Variants in NSMCE2 observed in about 807,000 individuals in gnomAD.
NSMCE2 encodes the protein NSE2 SUMO ligase component of SMC5/6 complex.
Under a neutral mutation model 23.8 loss-of-function variants are expected in NSMCE2, and 24 were observed. The ratio of observed to expected loss-of-function variants is 1.01; its 90% CI spans 0.73 to 1.42. The LOEUF (loss-of-function observed/expected upper bound fraction) is 1.42, where lower values mean the gene tolerates loss of function less well. Among genes scored for constraint, NSMCE2 ranks in the 40% most tolerant of loss-of-function variants. NSMCE2 has a pLI of 0.00. For synonymous variants in NSMCE2, 92 were observed against 94.1 expected (o/e 0.98, Z 0.13); for missense variants, 284 against 296.5 (o/e 0.96, Z 0.31).
chr8:125,126,925 A>G (rs994952546), intron 3 of NSMCE2: 2 of 152,158 alleles, frequency 1.3e-5, no homozygotes, highest in Non-Finnish European at 2.9e-5. Flanking sequence ...TTTATCTGTC[A>G]GTTATTTTGT....
At chr8:125,287,224 C>T (rs1827937838) in intron 5 of NSMCE2, among the ~76,000 whole-genome samples, 1 of 151,852 alleles carries the variant, frequency 6.6e-6, no homozygotes, top group Non-Finnish European at 1.5e-5. Flanking sequence ...CCCAGCTACT[C>T]GGGAGGCTGA....
At position 125,307,752 on chromosome 8, in the gene NSMCE2, G is replaced by A. The variant is rs192678388; in HGVS notation, c.419-49467G>A. Among the ~76,000 whole-genome samples, 10 of 152,246 alleles carry A rather than the reference G, an allele frequency of 6.6e-5. 1 individual carries two copies. The East Asian group carries it at 7.7e-4, about 12-fold the overall frequency. ...AAGGGGTTTTGACTAAGCAAGTGTCGTTTGCTCCCTGGAGGATGTGTCAGC... is the reference window on the plus strand; with the variant it reads ...AAGGGGTTTTGACTAAGCAAGTGTCATTTGCTCCCTGGAGGATGTGTCAGC... On this transcript the variant is annotated intron_variant, in intron 5 of 7. Transcript: ENST00000287437.
rs548997027 is a variant in NSMCE2, at chr8:125,130,100, T to C, written c.158-21071T>C. 10 of 327,006 alleles carry C rather than the reference T, an allele frequency of 3.1e-5. No homozygotes were observed. The East Asian group carries it at 7.8e-4, about 25-fold the overall frequency. 20.3% of individuals were successfully genotyped at this position (327,006 alleles called of 1,614,324 possible). A position where few individuals can be genotyped will look rare whatever the true frequency, so the allele number is the denominator to read the frequency against. Reference sequence around the variant, plus strand: ...TAGACGCTTCTTAGTTGGTTTCGCTTTTTTTTTTCTTGTAATCCTGACAGT... The same window carrying C: ...TAGACGCTTCTTAGTTGGTTTCGCTCTTTTTTTTCTTGTAATCCTGACAGT... On this transcript the variant is annotated intron_variant, in intron 3 of 7. Transcript: ENST00000287437.
intron 4 of NSMCE2, among the ~76,000 whole-genome samples, chr8:125,159,127 G>A (rs936692647): frequency 6.6e-6 from 1 of 152,144 alleles, no homozygotes; most frequent in Non-Finnish European, 1.5e-5. Context: ...AGTACAATAA[G>A]ACATTTTGAG....
In NSMCE2 at chr8:125,102,397, G is replaced by A; in HGVS notation, c.67G>A (p.Ala23Thr). The change falls in exon 3 of 8, where the codon GCT becomes ACT. Residue 23 changes from alanine (A) to threonine (T), a missense_variant. Around this residue, in one of 2 missense-constraint regions of NSMCE2, gnomAD observed 182 missense variants for 155.5 expected, o/e 1.17. Transcript: ENST00000287437. ...GFISFSGVESALSSLKNFQAC... is the reference protein window; with the variant it reads ...GFISFSGVESTLSSLKNFQAC... ...CATCTCCTTCAGTGGTGTAGAGTCT[G>A]CTCTCTCCTCCTTGAAAAACTTCCA... is the stretch of plus-strand genomic sequence containing the variant. 1.2e-6 allele frequency: 2 copies of A among 1,613,004 alleles called. No homozygotes were observed. Among genetic ancestry groups the A allele is most frequent in the Admixed American group, 1.7e-5 (1 of 60,024 alleles).
intron 3 of NSMCE2, among the ~76,000 whole-genome samples, chr8:125,146,660 A>G (rs1333963872): frequency 6.6e-6 from 1 of 151,954 alleles, no homozygotes; most frequent in Non-Finnish European, 1.5e-5. Context: ...AAAACCAAAC[A>G]CCGCATGTTC....
At chr8:125,277,761 G>A (rs1188550475) in intron 5 of NSMCE2, among the ~76,000 whole-genome samples, 3 of 152,128 alleles carry the variant, frequency 2.0e-5, no homozygotes, top group Admixed American at 1.3e-4. Flanking sequence ...TGATCCACCT[G>A]CCTCGGCCTC....
intron 5 of NSMCE2, among the ~76,000 whole-genome samples, chr8:125,285,360 T>C (rs1309102039): frequency 2.0e-5 from 3 of 152,202 alleles, no homozygotes; most frequent in African/African-American, 7.2e-5. Flanking sequence ...TCTATTTTTC[T>C]TAGTTCTTGA....
intron 5 of NSMCE2, among the ~76,000 whole-genome samples, chr8:125,343,244 A>G (rs538141928): frequency 2.6e-5 from 4 of 152,218 alleles, no homozygotes; most frequent in African/African-American, 7.2e-5. Context: ...AACAGATGTG[A>G]CAACTTATAA....
intron 4 of NSMCE2, among the ~76,000 whole-genome samples, chr8:125,169,313 T>C (rs1822050904): frequency 6.6e-6 from 1 of 152,242 alleles, no homozygotes; most frequent in Non-Finnish European, 1.5e-5. Context: ...GTCTTTATGC[T>C]GCTGAGTCCC....
chr8:125,212,018 A>C (rs899914780), intron 5 of NSMCE2, among the ~76,000 whole-genome samples: 1 of 152,158 alleles, frequency 6.6e-6, no homozygotes, highest in Non-Finnish European at 1.5e-5. Flanking sequence ...GTAAACGTTT[A>C]TGGATTGATT....
chr8:125,290,891 C>A (rs1239094001), intron 5 of NSMCE2, among the ~76,000 whole-genome samples: 1 of 152,126 alleles, frequency 6.6e-6, no homozygotes, highest in Non-Finnish European at 1.5e-5. Context: ...TCTTTTTCCT[C>A]CACCAAATTA....
intron 3 of NSMCE2, among the ~76,000 whole-genome samples, chr8:125,132,548 A>G (rs536490991): frequency 6.6e-6 from 1 of 151,910 alleles, no homozygotes; most frequent in African/African-American, 2.4e-5. Context: ...GCTGGAGTAC[A>G]CTAGTGCAGT....
intron 5 of NSMCE2, among the ~76,000 whole-genome samples, chr8:125,183,922 T>C (rs936033864): frequency 6.6e-6 from 1 of 152,136 alleles, no homozygotes; most frequent in African/African-American, 2.4e-5. Context: ...ATTTGGTGCT[T>C]AGTGAAAATA....
At chr8:125,207,761 G>C (rs1203102904) in intron 5 of NSMCE2, among the ~76,000 whole-genome samples, 1 of 152,240 alleles carries the variant, frequency 6.6e-6, no homozygotes, top group Non-Finnish European at 1.5e-5. Context: ...TTGGCTGGGA[G>C]CTTCTGCGCC....
chr8:125,331,161 T>G (rs7010240), intron 5 of NSMCE2, among the ~76,000 whole-genome samples: 66,785 of 151,698 alleles, frequency 0.44, 16,967 homozygotes, highest in East Asian at 0.55. Flanking sequence ...TTAGCCGGAC[T>G]TGGTGGCAGG....
intron 5 of NSMCE2, among the ~76,000 whole-genome samples, chr8:125,212,174 A>G (rs1382215001): frequency 6.6e-6 from 1 of 152,194 alleles, no homozygotes; most frequent in Non-Finnish European, 1.5e-5. Context: ...TGTGAATCTC[A>G]GTGTTCAAAC....
intron 5 of NSMCE2, among the ~76,000 whole-genome samples, chr8:125,298,126 G>C (rs1020577953): frequency 1.3e-5 from 2 of 152,002 alleles, no homozygotes; most frequent in Admixed American, 1.3e-4. Context: ...CTGGTGTGGT[G>C]GTACACACCT....
At position 125,235,681 on chromosome 8, in the gene NSMCE2, CT is replaced by C. The variant is rs372482344; in HGVS notation, c.418+53430del. ...TACAAAGAATTGTGTTTAAATATAC[CT>C]TTTTATTTCCTCAAATTGTTTCATG... is the stretch of plus-strand genomic sequence containing the variant. On this transcript the variant is annotated intron_variant, in intron 5 of 7. Transcript: ENST00000287437. 2.4e-3 allele frequency among the ~76,000 whole-genome samples: 363 copies of C among 152,236 alleles called. 3 individuals carry two copies. The highest frequency in any genetic ancestry group is 0.014 in the Middle Eastern group (4 of 294).
Sources: allele counts gnomAD v4.1 joint callset (sites outside exome capture counted in the v4.1 genomes callset), GRCh38; gene constraint gnomAD v4.1.1; regional missense constraint gnomAD v4.1.1; transcripts MANE v1.5; gene names NCBI Gene and HGNC (gene_info 2026-07-23, HGNC 2026-07-21).